The following KCNK2 variants were observed in gnomAD, a reference collection of about 807,000 sequenced individuals.
The protein encoded by KCNK2 is potassium two pore domain channel subfamily K member 2, also known as potassium channel subfamily K member 2.
In KCNK2, 21 loss-of-function variants were observed where a neutral mutation model predicts 40.5. The observed-to-expected ratio is 0.52, with a 90% confidence interval of 0.37 to 0.75. The LOEUF is 0.75. KCNK2 is among the 30% of genes least tolerant of loss of function. The pLI is 0.00. For missense variants in KCNK2, 399 were observed against 531.6 expected (o/e 0.75, Z 2.45); for synonymous variants, 191 against 202.2 (o/e 0.94, Z 0.47).
chr1:215,173,197 C>T (rs1041211522), intron 5 of KCNK2, among the ~76,000 whole-genome samples: 9 of 152,094 alleles, frequency 5.9e-5, no homozygotes, highest in Non-Finnish European at 1.3e-4. Flanking sequence ...TCAATTCCTA[C>T]CTATGAGTGA....
At chr1:215,071,257 A>G (rs768266143) in intron 1 of KCNK2, among the ~76,000 whole-genome samples, 32 of 152,198 alleles carry the variant, frequency 2.1e-4, no homozygotes, top group Admixed American at 1.6e-3. Context: ...GAAGCTTGTG[A>G]CAACCCTGAA....
At chr1:215,032,010 C>A (rs1280551630) in intron 1 of KCNK2, among the ~76,000 whole-genome samples, 4 of 151,930 alleles carry the variant, frequency 2.6e-5, no homozygotes, top group Non-Finnish European at 5.9e-5. Flanking sequence ...TGCGGTCAAT[C>A]ATTTCACTTG....
At chr1:215,114,052 C>T (rs1393681363) in intron 2 of KCNK2, among the ~76,000 whole-genome samples, 1 of 152,126 alleles carries the variant, frequency 6.6e-6, no homozygotes, top group Non-Finnish European at 1.5e-5. Context: ...TTTGACTTTT[C>T]TCTTTCCCTG....
intron 2 of KCNK2, among the ~76,000 whole-genome samples, chr1:215,089,313 C>T (rs1659594121): frequency 6.6e-6 from 1 of 152,112 alleles, no homozygotes; most frequent in South Asian, 2.1e-4. Flanking sequence ...TTGGAGCTTA[C>T]CTTCTTTCAG....
intron 3 of KCNK2, among the ~76,000 whole-genome samples, chr1:215,148,083 T>TCTTTC (rs56299807): frequency 6.9e-5 from 9 of 130,448 alleles, no homozygotes; most frequent in South Asian, 2.4e-4. Context: ...TCTTTTCCTT[T>TCTTTC]TTTTTTTTTT....
At chr1:215,163,915 A>G (rs988193604) in intron 3 of KCNK2, among the ~76,000 whole-genome samples, 2 of 152,154 alleles carry the variant, frequency 1.3e-5, no homozygotes, top group Non-Finnish European at 1.5e-5. Flanking sequence ...GTTTTGTATC[A>G]GGATGATGCT....
At chr1:215,025,893 A>G (rs1033828902) in intron 1 of KCNK2, among the ~76,000 whole-genome samples, 3 of 152,210 alleles carry the variant, frequency 2.0e-5, no homozygotes, top group East Asian at 3.9e-4. Flanking sequence ...CTTGGTCAAA[A>G]GGTTTATGTA....
At chr1:215,114,700 GC>G (rs1558097476) in intron 2 of KCNK2, among the ~76,000 whole-genome samples, 1 of 152,096 alleles carries the variant, frequency 6.6e-6, no homozygotes, top group African/African-American at 2.4e-5. Context: ...AAACAGTTTT[GC>G]AAGACTTCCT....
At chr1:215,032,884 G>A (rs1657254295) in intron 1 of KCNK2, among the ~76,000 whole-genome samples, 1 of 151,786 alleles carries the variant, frequency 6.6e-6, no homozygotes, top group South Asian at 2.1e-4. Context: ...ATCTTGAATG[G>A]TGTTCTCTGC....
chr1:215,216,171 A>T (rs375420096), intron 6 of KCNK2, among the ~76,000 whole-genome samples: 2 of 151,950 alleles, frequency 1.3e-5, no homozygotes, highest in East Asian at 3.9e-4. Context: ...AGGATGAGGG[A>T]TATTTCTGAT....
chr1:215,020,513 C>T (rs1022934508), intron 1 of KCNK2, among the ~76,000 whole-genome samples: 2 of 152,148 alleles, frequency 1.3e-5, no homozygotes, highest in African/African-American at 4.8e-5. Context: ...GCAACCCCTG[C>T]CTCCTGAGTT....
chr1:215,109,791 C>T (rs1002957358), intron 2 of KCNK2, among the ~76,000 whole-genome samples: 2 of 152,108 alleles, frequency 1.3e-5, no homozygotes, highest in African/African-American at 4.8e-5. Flanking sequence ...TTTTGAGAAT[C>T]TCTATCCTGC....
At chr1:215,167,909 G>T (rs969320830) in intron 3 of KCNK2, among the ~76,000 whole-genome samples, 3 of 152,050 alleles carry the variant, frequency 2.0e-5, no homozygotes, top group East Asian at 1.9e-4. Flanking sequence ...CACAGCAAAA[G>T]AAACTGTCAT....
chr1:215,074,575 C>T (rs1000973439), intron 1 of KCNK2, among the ~76,000 whole-genome samples: 1 of 152,182 alleles, frequency 6.6e-6, no homozygotes, highest in African/African-American at 2.4e-5. Flanking sequence ...AAATAAAGTA[C>T]TGGATGTGCT....
chr1:215,056,511 A>G (rs1260975400), intron 1 of KCNK2, among the ~76,000 whole-genome samples: 3 of 149,342 alleles, frequency 2.0e-5, no homozygotes, highest in Non-Finnish European at 4.5e-5. Flanking sequence ...AAAAAAAAAA[A>G]AAAAAAAAAA....
At chr1:215,138,743 CTT>C (rs1177856697) in intron 3 of KCNK2, among the ~76,000 whole-genome samples, 3 of 152,152 alleles carry the variant, frequency 2.0e-5, no homozygotes, top group Non-Finnish European at 4.4e-5. Context: ...TAAAGCCACT[CTT>C]GATGTGGATG....
At chr1:215,227,956 T>TAAA (rs5780825) in intron 6 of KCNK2, among the ~76,000 whole-genome samples, 44 of 149,820 alleles carry the variant, frequency 2.9e-4, no homozygotes, top group Admixed American at 8.0e-4. Flanking sequence ...GATATTAAGT[T>TAAA]AAAAAAAAAA....
At chr1:215,023,478 A>G (rs1168438840) in intron 1 of KCNK2, among the ~76,000 whole-genome samples, 2 of 152,244 alleles carry the variant, frequency 1.3e-5, no homozygotes, top group African/African-American at 4.8e-5. Context: ...ATTGAATTAC[A>G]TTAAAGCAGT....
At chr1:215,131,613 G>T (rs909101753) in intron 3 of KCNK2, among the ~76,000 whole-genome samples, 2 of 150,712 alleles carry the variant, frequency 1.3e-5, no homozygotes, top group African/African-American at 4.9e-5. Flanking sequence ...AAACTGCAAT[G>T]TCAGGGTTAG....
Sources: allele counts gnomAD v4.1 joint callset (sites outside exome capture counted in the v4.1 genomes callset), GRCh38; gene constraint gnomAD v4.1.1; transcripts MANE v1.5; gene names NCBI Gene and HGNC (gene_info 2026-07-23, HGNC 2026-07-21).